DEK: variants seen among roughly 807,000 people sequenced by gnomAD.
DEK encodes the protein DEK proto-oncogene, also known as protein DEK.
Under a neutral mutation model 46.8 loss-of-function variants are expected in DEK, and 28 were observed. The ratio of observed to expected loss-of-function variants is 0.60; its 90% CI spans 0.44 to 0.82. The LOEUF (loss-of-function observed/expected upper bound fraction) is 0.82, where lower values mean the gene tolerates loss of function less well. Ranked by LOEUF, DEK falls within the 40% of genes least tolerant of loss-of-function variation. The probability of loss-of-function intolerance (pLI) is 0.00; values close to 1 mark genes in which losing one functional copy is unlikely to be tolerated. For synonymous variants in DEK, 160 were observed against 144.5 expected, an observed-to-expected ratio of 1.11 and a Z score of -0.77; for missense variants, 416 against 430.6, an observed-to-expected ratio of 0.97 and a Z score of 0.30.
intron 7 of DEK, among the ~76,000 whole-genome samples, chr6:18,241,290 A>G (rs1790882715): frequency 6.6e-6 from 1 of 152,192 alleles, no homozygotes; most frequent in African/African-American, 2.4e-5. Flanking sequence ...CAGAATTTGG[A>G]GGTAACAGAA....
Position 18,225,907 on chromosome 6 carries a change from G to C in DEK, c.1117-177C>G, listed in dbSNP as rs1561969679. ...TAGACAGGAACTTCCTCAAGTATTTGTGAGAGCAACGTTGAGATGCCCAGC... is the reference window on the plus strand; with the variant it reads ...TAGACAGGAACTTCCTCAAGTATTTCTGAGAGCAACGTTGAGATGCCCAGC... On this transcript the variant is annotated intron_variant, in intron 10 of 10. Transcript: ENST00000652689. The C allele has an allele frequency of 1.3e-5, 10 of 785,362 alleles. No homozygotes were observed. In the South Asian group the frequency reaches 1.4e-4, roughly 11 times the overall value. 48.6% of individuals were successfully genotyped at this position (785,362 alleles called of 1,614,324 possible).
chr6:18,237,696 C>G (rs1177278104), intron 7 of DEK, among the ~76,000 whole-genome samples, 180 bp from the exon 8 acceptor site: 1 of 152,064 alleles, frequency 6.6e-6, no homozygotes, highest in African/African-American at 2.4e-5. Context: ...CAACACAAGT[C>G]TAAGCATGAC....
intron 4 of DEK, among the ~76,000 whole-genome samples, 170 bp from the exon 5 acceptor site, chr6:18,256,625 T>C (rs963271246): frequency 1.3e-5 from 2 of 152,270 alleles, no homozygotes; most frequent in African/African-American, 4.8e-5. Context: ...ACATTTCTTA[T>C]TCAAAACTGA....
At chr6:18,255,592 G>A (rs192936873) in intron 6 of DEK, 139 bp downstream of exon 6, 1 of 1,018,878 alleles carries the variant, frequency 9.8e-7, no homozygotes, top group Non-Finnish European at 1.4e-6. Context: ...AATTACTGCA[G>A]ATACGTCAAC....
At chr6:18,234,355 G>A (rs1790557837) in intron 9 of DEK, among the ~76,000 whole-genome samples, 1 of 151,438 alleles carries the variant, frequency 6.6e-6, no homozygotes, top group Non-Finnish European at 1.5e-5. Flanking sequence ...TTAAAAAAAA[G>A]AAAAAAATTG....
intron 2 of DEK, among the ~76,000 whole-genome samples, chr6:18,263,474 A>C (rs1791965219): frequency 6.6e-6 from 1 of 152,164 alleles, no homozygotes; most frequent in Non-Finnish European, 1.5e-5. Flanking sequence ...AAAAGGACAA[A>C]ATTAGAACAT....
intron 6 of DEK, among the ~76,000 whole-genome samples, chr6:18,254,960 T>G (rs1021554967): frequency 1.3e-4 from 20 of 152,322 alleles, no homozygotes; most frequent in African/African-American, 4.8e-4. Flanking sequence ...TTTTCTGGTT[T>G]TGATTAATGC....
At chr6:18,228,434 C>T (rs1286725777) in intron 9 of DEK, among the ~76,000 whole-genome samples, 1 of 152,050 alleles carries the variant, frequency 6.6e-6, no homozygotes, top group East Asian at 1.9e-4. Context: ...CAGTCTACAG[C>T]TCCCACCGTG....
chr6:18,249,697 T>C lies in DEK; in HGVS notation c.716A>G (p.Asn239Ser), dbSNP rs747299568. ...ESSSDEDEKK[N>S]KEESSDDEDK... is the part of the protein sequence containing the mutation. ...TTCATCATCTGAAGACTCTTCCTTG[T>C]TTTTCTTTTCATCTTCATCACTACT... The change falls in exon 7 of 11, where the codon AAC becomes AGC. Residue 239 changes from asparagine (N) to serine (S), a missense_variant. Coordinates refer to ENST00000652689, the MANE Select transcript of DEK (RefSeq NM_003472.4). 6.2e-7 allele frequency: 1 copy of C among 1,604,274 alleles called. No individual in the cohort carries two copies. The highest frequency in any genetic ancestry group is 8.5e-7 in the Non-Finnish European group (1 of 1,177,522).
At chr6:18,243,843 A>C (rs371622036) in intron 7 of DEK, among the ~76,000 whole-genome samples, 1 of 152,106 alleles carries the variant, frequency 6.6e-6, no homozygotes, top group African/African-American at 2.4e-5. Flanking sequence ...CTCTCTCTAC[A>C]AAAAATTTAA....
intron 2 of DEK, 148 bp from the exon 3 acceptor site, chr6:18,258,553 G>A: frequency 1.8e-6 from 1 of 543,758 alleles, no homozygotes; most frequent in Non-Finnish European, 3.0e-6. Flanking sequence ...ACATAAAAGA[G>A]GAAAACACTT....
At chr6:18,257,290 T>C (rs1791640539) in intron 4 of DEK, among the ~76,000 whole-genome samples, 1 of 152,240 alleles carries the variant, frequency 6.6e-6, no homozygotes, top group Admixed American at 6.5e-5. Flanking sequence ...CATTCACTTA[T>C]TCTGAATGTC....
chr6:18,237,637 C>A, intron 7 of DEK, 121 bp from the exon 8 acceptor site: 1 of 1,318,888 alleles, frequency 7.6e-7, no homozygotes, highest in Non-Finnish European at 1.0e-6. Context: ...TTGGTATCAG[C>A]AATTAAAAAT....
At chr6:18,251,412 T>C (rs184808711) in intron 6 of DEK, among the ~76,000 whole-genome samples, 1 of 152,272 alleles carries the variant, frequency 6.6e-6, no homozygotes, top group East Asian at 1.9e-4. Context: ...TAAGAAAAAG[T>C]GGCTGCTTTG....
chr6:18,243,578 C>T (rs1018510959), intron 7 of DEK, among the ~76,000 whole-genome samples: 5 of 152,168 alleles, frequency 3.3e-5, no homozygotes, highest in East Asian at 3.8e-4. Context: ...TTTGTTCACA[C>T]GTACAACTTT....
chr6:18,249,250 C>A (rs1172941143), intron 7 of DEK, among the ~76,000 whole-genome samples: 1 of 152,174 alleles, frequency 6.6e-6, no homozygotes, highest in African/African-American at 2.4e-5. Context: ...GCCCTTAAGT[C>A]CCTTGCTTTT....
intron 7 of DEK, among the ~76,000 whole-genome samples, chr6:18,241,547 G>A (rs1216787250): frequency 6.6e-6 from 1 of 152,130 alleles, no homozygotes; most frequent in Non-Finnish European, 1.5e-5. Context: ...TTGTGAAGCT[G>A]TAAGAACAAG....
At chr6:18,225,998 T>C in intron 10 of DEK, 176 bp downstream of exon 10, 1 of 776,832 alleles carries the variant, frequency 1.3e-6, no homozygotes, top group Non-Finnish European at 1.9e-6. Flanking sequence ...CTGTTCAAAC[T>C]TTAATTTTAA....
chr6:18,256,443 T>C lies in DEK; in HGVS notation c.370A>G (p.Lys124Glu), dbSNP rs1791600513. 6.2e-7 allele frequency: 1 copy of C among 1,612,816 alleles called. No homozygotes were observed. Among genetic ancestry groups the C allele is most frequent in the Non-Finnish European group, 8.5e-7 (1 of 1,179,396 alleles). ...YNRPGTVSSL[K>E]KNVGQFSGFP... ...CCACTGAACTGACCCACATTCTTCT[T>C]TAATGAGGACACCTGAAAATGTTCC... is the stretch of plus-strand genomic sequence containing the variant. Residue 124 changes from lysine (K) to glutamate (E), a missense_variant, in exon 5 of 11, where the codon AAG (lysine) becomes GAG (glutamate). By Grantham distance (56) the Lys-to-Glu change is moderately conservative (BLOSUM62 1). Coordinates refer to ENST00000652689, the MANE Select transcript of DEK (RefSeq NM_003472.4).
Sources: gnomAD v4.1 joint callset for allele counts (sites outside exome capture counted in the v4.1 genomes callset) on GRCh38, gnomAD v4.1.1 for gene constraint, MANE v1.5 for transcripts, NCBI Gene and HGNC (gene_info 2026-07-23, HGNC 2026-07-21) for gene names.